NECTIN2: variants seen among roughly 807,000 people sequenced by gnomAD.
NECTIN2 encodes nectin cell adhesion molecule 2.
A neutral mutation model predicts 56.9 loss-of-function variants in NECTIN2; 23 were observed. That is an observed-to-expected ratio of 0.40 (90% CI 0.29 to 0.57). The LOEUF (loss-of-function observed/expected upper bound fraction) is 0.57, where lower values mean the gene tolerates loss of function less well. Among genes scored for constraint, NECTIN2 ranks in the 20% least tolerant of loss-of-function variants. The pLI is 0.38. For synonymous variants in NECTIN2, 302 were observed against 313.8 expected (o/e 0.96, Z 0.40); for missense variants, 587 against 718.3 (o/e 0.82, Z 2.09).
At chr19:44,868,071 G>C (rs149529419) in intron 2 of NECTIN2, among the ~76,000 whole-genome samples, 50 of 152,012 alleles carry the variant, frequency 3.3e-4, no homozygotes, top group Admixed American at 3.3e-3. Context: ...GGATCAGAGA[G>C]GAGTCCCAGG....
rs1239740893 is a variant in NECTIN2, at chr19:44,875,347, C to G, written c.1042+869C>G. Among the ~76,000 whole-genome samples the G allele has an allele frequency of 1.3e-5, 2 of 151,496 alleles. No homozygotes were observed. The highest frequency in any genetic ancestry group is 2.9e-5 in the Non-Finnish European group (2 of 67,966). ...GTGGCGCAATCTCAGCTCACCGCAACCTCCGCCTCCCGGGTTCAAGCAATT... is the reference window on the plus strand; with the variant it reads ...GTGGCGCAATCTCAGCTCACCGCAAGCTCCGCCTCCCGGGTTCAAGCAATT... On this transcript the variant is annotated intron_variant, in intron 5 of 8. Transcript: ENST00000252483. The surrounding 1 kb of genome is among the most constrained non-coding windows in gnomAD (Gnocchi z 4.2).
At position 44,888,688 on chromosome 19, in the gene NECTIN2, T is replaced by A; in HGVS notation, c.*309T>A. ...TTAGACCATACCTCTCACCCCCCAA[T>A]GCCTCGACTCCCCCAAAATCACAAA... On this transcript the variant is annotated 3_prime_UTR_variant, in exon 9 of 9. Transcript: ENST00000252483. 1 of 363,306 alleles carries A rather than the reference T, an allele frequency of 2.8e-6. No individual in the cohort carries two copies. Among genetic ancestry groups the A allele is most frequent in the Non-Finnish European group, 5.1e-6 (1 of 196,244 alleles). 22.5% of individuals were successfully genotyped at this position (363,306 alleles called of 1,614,324 possible).
chr19:44,877,572 A>G (rs1969254075), intron 5 of NECTIN2, among the ~76,000 whole-genome samples: 1 of 152,234 alleles, frequency 6.6e-6, no homozygotes, highest in African/African-American at 2.4e-5. Flanking sequence ...CTTGGAATAA[A>G]TGCTCCCAGC....
intron 1 of NECTIN2, among the ~76,000 whole-genome samples, chr19:44,854,087 G>A (rs1464802676): frequency 1.3e-5 from 2 of 151,986 alleles, no homozygotes; most frequent in African/African-American, 4.8e-5. Flanking sequence ...CCCGAGGAGT[G>A]TGCCCCACAA....
In NECTIN2 at chr19:44,886,120, T is replaced by C. The variant is rs774127894; in HGVS notation, c.1261-13T>C. 6.2e-7 allele frequency: 1 copy of C among 1,605,572 alleles called. No individual in the cohort carries two copies. Among genetic ancestry groups the C allele is most frequent in the Non-Finnish European group, 8.5e-7 (1 of 1,172,808 alleles). On this transcript the variant is annotated splice_polypyrimidine_tract_variant and intron_variant, in intron 7 of 8. Transcript: ENST00000252483. ...GGGCAGTTCCTGACCTCCCCGCCCC[T>C]CTCCCACTACAGCCCTCCCAGCTCT...
At chr19:44,878,886 C>CAAA in intron 5 of NECTIN2, 1 of 1,289,172 alleles carries the variant, frequency 7.8e-7, no homozygotes, top group Non-Finnish European at 9.8e-7. Flanking sequence ...TGGCTCCAGC[C>CAAA]TTCCCCTGGC....
intron 3 of NECTIN2, 122 bp downstream of exon 3, chr19:44,872,271 A>C (rs1599921329): frequency 9.9e-7 from 1 of 1,007,256 alleles, no homozygotes; most frequent in Non-Finnish European, 1.5e-6. Context: ...ATTCTGCACT[A>C]CCTTCCTGCC....
At chr19:44,864,293 G>A (rs1969070235) in intron 1 of NECTIN2, among the ~76,000 whole-genome samples, 1 of 151,532 alleles carries the variant, frequency 6.6e-6, no homozygotes, top group Admixed American at 6.6e-5. Flanking sequence ...TCTAGCCTGG[G>A]TGAAAGTGAG....
rs111332355 is a variant in NECTIN2 at position 44,875,502 on chromosome 19, G to A, written c.1042+1024G>A. Among the ~76,000 whole-genome samples the A allele has an allele frequency of 1.8e-3, 274 of 152,286 alleles. 1 individual carries two copies. Among genetic ancestry groups the A allele is most frequent in the African/African-American group, 6.3e-3 (263 of 41,556 alleles). ...GCTGGTCTCGAACTGCTGACCTCAG[G>A]TGATCCACCCGCCTCGGCCTCACGA... On this transcript the variant is annotated intron_variant, in intron 5 of 8. Coordinates refer to ENST00000252483, the MANE Select transcript of NECTIN2 (RefSeq NM_001042724.2). The surrounding 1 kb of genome is among the most constrained non-coding windows in gnomAD (Gnocchi z 4.2).
chr19:44,857,489 C>A (rs908003592), intron 1 of NECTIN2, among the ~76,000 whole-genome samples: 6 of 151,058 alleles, frequency 4.0e-5, no homozygotes, highest in African/African-American at 1.2e-4. Flanking sequence ...GCAACCTCCA[C>A]CTCCCGGGTT....
At chr19:44,863,098 G>C (rs185423052) in intron 1 of NECTIN2, among the ~76,000 whole-genome samples, 118 of 151,718 alleles carry the variant, frequency 7.8e-4, no homozygotes, top group Non-Finnish European at 1.2e-3. Flanking sequence ...GGAGGTGGAG[G>C]TTGCAGTGAG....
Position 44,865,145 on chromosome 19 carries a change from G to A in NECTIN2, c.89-126G>A. The stretch of plus-strand genomic sequence containing the variant: ...GTGGCTTTTTTGGAATCAGGATGCT[G>A]CGAAGCTGCCTACGTTGCATGCGGA... On this transcript the variant is annotated intron_variant, in intron 1 of 8. Coordinates refer to ENST00000252483, the MANE Select transcript of NECTIN2 (RefSeq NM_001042724.2). The surrounding 1 kb of genome is among the most constrained non-coding windows in gnomAD (Gnocchi z 5.2). The A allele has an allele frequency of 9.5e-7, 1 of 1,055,738 alleles. No individual in the cohort carries two copies. Among genetic ancestry groups the A allele is most frequent in the Non-Finnish European group, 1.4e-6 (1 of 730,820 alleles). 65.4% of individuals were successfully genotyped at this position (1,055,738 alleles called of 1,614,324 possible).
rs756975299 is a variant in NECTIN2 at position 44,872,301 on chromosome 19, A to G, written c.775+152A>G. On this transcript the variant is annotated intron_variant, in intron 3 of 8. Coordinates refer to ENST00000252483, the MANE Select transcript of NECTIN2 (RefSeq NM_001042724.2). The stretch of plus-strand genomic sequence containing the variant: ...CCTGCCATTGTCTACACTGGCTCCC[A>G]TGGGCAAATCTACATACTTCCCCCT... 5.1e-6 allele frequency: 4 copies of G among 788,828 alleles called. No homozygotes were observed. The East Asian group carries it at 8.1e-5, about 16-fold the overall frequency. The allele number at this position is 788,828 out of a possible 1,614,324, so 48.9% of individuals were successfully genotyped here.
At chr19:44,850,628 A>C (rs1471130990) in intron 1 of NECTIN2, among the ~76,000 whole-genome samples, 1 of 151,990 alleles carries the variant, frequency 6.6e-6, no homozygotes, top group African/African-American at 2.4e-5. Flanking sequence ...CTGGGCAACA[A>C]AGCAAGATCC....
intron 5 of NECTIN2, among the ~76,000 whole-genome samples, chr19:44,876,259 G>A (rs412776): frequency 0.13 from 19,333 of 151,824 alleles, 1,354 homozygotes; most frequent in African/African-American, 0.18. Context: ...AGCTCCACCC[G>A]CCCAGACAGA....
At chr19:44,878,593 C>T (rs1372266383) in intron 5 of NECTIN2, 1 of 1,606,822 alleles carries the variant, frequency 6.2e-7, no homozygotes, top group Non-Finnish European at 8.5e-7. Context: ...ACGGCTCCCT[C>T]ATCTCACGGC....
At chr19:44,854,896 C>T (rs546804537) in intron 1 of NECTIN2, among the ~76,000 whole-genome samples, 264 of 151,888 alleles carry the variant, frequency 1.7e-3, no homozygotes, top group Admixed American at 3.2e-3. Context: ...GAGTCCCAGG[C>T]GGGCGGATCA....
intron 1 of NECTIN2, among the ~76,000 whole-genome samples, chr19:44,860,378 TG>T (rs1969018079): frequency 6.6e-6 from 1 of 152,154 alleles, no homozygotes; most frequent in African/African-American, 2.4e-5. Flanking sequence ...CTGGGTTTGG[TG>T]GCTCGCACCT....
rs145067941 is a variant in NECTIN2, at chr19:44,888,684, C to T, written c.*305C>T. On this transcript the variant is annotated 3_prime_UTR_variant, in exon 9 of 9. Coordinates refer to ENST00000252483, the MANE Select transcript of NECTIN2 (RefSeq NM_001042724.2). The stretch of plus-strand genomic sequence containing the variant: ...GACCTTAGACCATACCTCTCACCCC[C>T]CAATGCCTCGACTCCCCCAAAATCA... 2,485 of 384,334 alleles carry T rather than the reference C, an allele frequency of 6.5e-3. 29 individuals are homozygous for T. The highest frequency in any genetic ancestry group is 6.7e-3 in the Non-Finnish European group (1,410 of 209,160). 23.8% of individuals were successfully genotyped at this position (384,334 alleles called of 1,614,324 possible).
Sources: gnomAD v4.1 joint callset for allele counts (sites outside exome capture counted in the v4.1 genomes callset) on GRCh38, gnomAD v4.1.1 for gene constraint, Gnocchi (gnomAD v3.1) non-coding constraint, MANE v1.5 for transcripts, NCBI Gene and HGNC (gene_info 2026-07-23, HGNC 2026-07-21) for gene names.